LTBP1: variants seen among roughly 807,000 people sequenced by gnomAD.
The protein encoded by LTBP1 is latent-transforming growth factor beta-binding protein 1.
Under a neutral mutation model 207.6 loss-of-function variants are expected in LTBP1, and 129 were observed. The observed-to-expected ratio is 0.62, with a 90% CI of 0.54 to 0.72. The LOEUF (loss-of-function observed/expected upper bound fraction) is 0.72. Ranked by LOEUF, LTBP1 falls within the 30% of genes least tolerant of loss-of-function variation. LTBP1 has a pLI of 0.00. For missense variants in LTBP1, 2,281 were observed against 2,217.2 expected, an observed-to-expected ratio of 1.03 and a Z score of -0.58; for synonymous variants, 963 against 833.7, an observed-to-expected ratio of 1.16 and a Z score of -2.67.
chr2:33,352,399 C>A (rs1433261037), intron 26 of LTBP1, among the ~76,000 whole-genome samples: 1 of 152,064 alleles, frequency 6.6e-6, no homozygotes, highest in Non-Finnish European at 1.5e-5. Flanking sequence ...CAAAGTGCTG[C>A]AATTACAGGC....
At chr2:33,366,206 A>G (rs2094985254) in intron 31 of LTBP1, among the ~76,000 whole-genome samples, 1 of 152,162 alleles carries the variant, frequency 6.6e-6, no homozygotes, top group African/African-American at 2.4e-5. Context: ...CTTTTTTACC[A>G]TCATAGCACC....
At chr2:33,306,418 A>G (rs2094095485) in intron 22 of LTBP1, among the ~76,000 whole-genome samples, 1 of 152,090 alleles carries the variant, frequency 6.6e-6, no homozygotes, top group African/African-American at 2.4e-5. Flanking sequence ...AAAAATACAA[A>G]AATTAGCCGG....
At chr2:33,315,366 C>T in intron 24 of LTBP1, 97 bp downstream of exon 24, 2 of 1,438,530 alleles carry the variant, frequency 1.4e-6, no homozygotes, top group Non-Finnish European at 1.9e-6. Flanking sequence ...AGAGGTACTG[C>T]ATAATTCAGA....
intron 3 of LTBP1, among the ~76,000 whole-genome samples, chr2:33,045,175 C>T (rs922545806): frequency 2.0e-5 from 3 of 151,948 alleles, no homozygotes; most frequent in East Asian, 1.9e-4. Flanking sequence ...GTTTTAGTCA[C>T]GAAGTCTTTG....
chr2:33,342,084 G>A lies in LTBP1; in HGVS notation c.3731-754G>A, dbSNP rs1573928538. The stretch of plus-strand genomic sequence containing the variant: ...CGGAGAAGGAAATTAGTAACCGTAA[G>A]AATAAAGAAGAATTCTATCTAAAAG... On this transcript the variant is annotated intron_variant, in intron 24 of 33. Coordinates refer to ENST00000404816, the MANE Select transcript of LTBP1 (RefSeq NM_206943.4). 2.6e-5 allele frequency among the ~76,000 whole-genome samples: 4 copies of A among 152,074 alleles called. No homozygotes were observed. In the South Asian group the frequency reaches 8.3e-4, roughly 32 times the overall value.
intron 6 of LTBP1, 48 bp from the exon 7 acceptor site, chr2:33,188,529 C>T: frequency 6.8e-7 from 1 of 1,480,136 alleles, no homozygotes; most frequent in Non-Finnish European, 9.2e-7. Context: ...TTTTGATTTG[C>T]CTGTTAGTTA....
chr2:33,110,984 C>T (rs2080367657), intron 4 of LTBP1, among the ~76,000 whole-genome samples: 2 of 152,130 alleles, frequency 1.3e-5, no homozygotes, highest in African/African-American at 2.4e-5. Flanking sequence ...ACCTGCCTGT[C>T]ATTCTGTTTC....
intron 5 of LTBP1, among the ~76,000 whole-genome samples, chr2:33,162,285 G>A (rs867730477): frequency 6.6e-6 from 1 of 152,144 alleles, no homozygotes; most frequent in African/African-American, 2.4e-5. Context: ...AGTGATAGTG[G>A]TCAATACCTT....
chr2:33,328,924 G>A (rs909032170), intron 24 of LTBP1, among the ~76,000 whole-genome samples: 2 of 152,106 alleles, frequency 1.3e-5, no homozygotes, highest in Non-Finnish European at 2.9e-5. Flanking sequence ...CCATTCTACT[G>A]TTGATGGTCA....
intron 2 of LTBP1, among the ~76,000 whole-genome samples, chr2:32,999,799 T>C (rs1469487359): frequency 7.6e-6 from 1 of 131,574 alleles, no homozygotes; most frequent in African/African-American, 2.6e-5. Context: ...GGCGACAGAG[T>C]GAGACTCTGT....
chr2:32,971,362 C>T (rs1324668570), intron 2 of LTBP1, among the ~76,000 whole-genome samples: 1 of 152,058 alleles, frequency 6.6e-6, no homozygotes, highest in African/African-American at 2.4e-5. Context: ...GCATCCTTGT[C>T]TTGTTCTAGT....
At chr2:33,098,260 C>T (rs939813538) in intron 3 of LTBP1, among the ~76,000 whole-genome samples, 1 of 152,140 alleles carries the variant, frequency 6.6e-6, no homozygotes, top group Non-Finnish European at 1.5e-5. Context: ...ATTGCTTATT[C>T]ATGTCCTTTG....
chr2:33,084,802 C>T (rs77353098), intron 3 of LTBP1, among the ~76,000 whole-genome samples: 2,699 of 152,288 alleles, frequency 0.018, 37 homozygotes, highest in Non-Finnish European at 0.025. Context: ...CAGCTCGGTC[C>T]GTCCCACAGC....
intron 5 of LTBP1, among the ~76,000 whole-genome samples, chr2:33,181,503 G>A (rs2086634240): frequency 6.6e-6 from 1 of 152,144 alleles, no homozygotes; most frequent in Admixed American, 6.5e-5. Flanking sequence ...ACCTTTTACA[G>A]TTGTACCGTG....
At chr2:33,154,711 C>T (rs1488009731) in intron 5 of LTBP1, among the ~76,000 whole-genome samples, 1 of 152,132 alleles carries the variant, frequency 6.6e-6, no homozygotes, top group East Asian at 1.9e-4. Context: ...AAAATTGCTG[C>T]ATCAAAGGTT....
intron 2 of LTBP1, among the ~76,000 whole-genome samples, chr2:32,959,877 T>C (rs1678812308): frequency 6.6e-6 from 1 of 151,748 alleles, no homozygotes; most frequent in Admixed American, 6.6e-5. Flanking sequence ...TGCCTTGGTC[T>C]CCCAGAGTAC....
chr2:33,378,185 A>ATGTGTG (rs57388002), intron 31 of LTBP1, among the ~76,000 whole-genome samples: 248 of 132,026 alleles, frequency 1.9e-3, no homozygotes, highest in East Asian at 0.013. Flanking sequence ...ATATATATAT[A>ATGTGTG]TGTGTGTGTG....
chr2:33,326,182 C>T (rs2094424479), intron 24 of LTBP1, among the ~76,000 whole-genome samples: 1 of 151,966 alleles, frequency 6.6e-6, no homozygotes, highest in Non-Finnish European at 1.5e-5. Context: ...TTTGAATTTT[C>T]ATGTATAATA....
chr2:33,282,306 T>G (rs1027654629), intron 19 of LTBP1, among the ~76,000 whole-genome samples: 1 of 152,156 alleles, frequency 6.6e-6, no homozygotes, highest in Non-Finnish European at 1.5e-5. Flanking sequence ...TTGGGTAAAA[T>G]TTTAGGCTCT....
Sources: gnomAD v4.1 joint callset for allele counts (sites outside exome capture counted in the v4.1 genomes callset) on GRCh38, gnomAD v4.1.1 for gene constraint, MANE v1.5 for transcripts, NCBI Gene and HGNC (gene_info 2026-07-23, HGNC 2026-07-21) for gene names.